The following C12orf50 variants were observed in gnomAD, a reference collection of about 807,000 sequenced individuals.
C12orf50 encodes the protein uncharacterized protein C12orf50.
A neutral mutation model predicts 61.6 loss-of-function variants in C12orf50; 35 were observed. That is an observed-to-expected ratio of 0.57 (90% confidence interval 0.43 to 0.75). The LOEUF (loss-of-function observed/expected upper bound fraction) is 0.75, where lower values mean the gene tolerates loss of function less well. C12orf50 is among the 30% of genes least tolerant of loss of function. C12orf50 has a pLI of 0.00. For missense variants in C12orf50, 475 were observed against 488.5 expected, an observed-to-expected ratio of 0.97 and a Z score of 0.26; for synonymous variants, 178 against 161.5, an observed-to-expected ratio of 1.10 and a Z score of -0.77.
At chr12:88,006,137 C>T (rs1006743788) in intron 3 of C12orf50, among the ~76,000 whole-genome samples, 2 of 151,946 alleles carry the variant, frequency 1.3e-5, no homozygotes, top group Non-Finnish European at 2.9e-5. Context: ...GGGATGGTCT[C>T]GATCTCCTGA....
Position 87,980,429 on chromosome 12 carries a change from T to C in C12orf50, c.1220-73A>G. ...CACTGATATTTTGTTCTTCTTTTGCTAATTACTTGCCGTAAATCTAAAGGC... is the reference window on the plus strand; with the variant it reads ...CACTGATATTTTGTTCTTCTTTTGCCAATTACTTGCCGTAAATCTAAAGGC... On this transcript the variant is annotated intron_variant, in intron 12 of 12. Coordinates refer to ENST00000298699, the MANE Select transcript of C12orf50 (RefSeq NM_152589.3). 11 of 1,291,202 alleles carry C rather than the reference T, an allele frequency of 8.5e-6. No individual in the cohort carries two copies. In the South Asian group the frequency reaches 1.4e-4, roughly 16 times the overall value. The allele number at this position is 1,291,202 out of a possible 1,614,324, so 80.0% of individuals were successfully genotyped here. A position where few individuals can be genotyped will look rare whatever the true frequency, so the allele number is the denominator to read the frequency against.
intron 3 of C12orf50, among the ~76,000 whole-genome samples, chr12:88,007,476 G>T (rs890734781): frequency 1.3e-5 from 2 of 152,176 alleles, no homozygotes; most frequent in African/African-American, 4.8e-5. Context: ...CTAAGGTCAA[G>T]GCACTGGCAG....
rs759437847 is a variant in C12orf50, at chr12:87,986,370, C to T, written c.864G>A (p.Lys288=). ...PVKKPHFKGV[K]KRKWIYDEPQ... Reference sequence around the variant, plus strand: ...GTTCATCATAAATCCATTTTCTTTTCTTCACACCTTTAAAATGAGGCTTCT... The same window carrying T: ...GTTCATCATAAATCCATTTTCTTTTTTTCACACCTTTAAAATGAGGCTTCT... The change falls in exon 10 of 13, where the codon AAG becomes AAA. Residue 288 remains lysine, a synonymous_variant. Coordinates refer to ENST00000298699, the MANE Select transcript of C12orf50 (RefSeq NM_152589.3). 6.2e-7 allele frequency: 1 copy of T among 1,611,588 alleles called. No individual in the cohort carries two copies. The highest frequency in any genetic ancestry group is 1.7e-5 in the Admixed American group (1 of 59,714).
chr12:88,011,829 C>T (rs1388604350), intron 3 of C12orf50, among the ~76,000 whole-genome samples: 1 of 152,134 alleles, frequency 6.6e-6, no homozygotes, highest in Non-Finnish European at 1.5e-5. Flanking sequence ...TCCCTAATCT[C>T]TTTAATTATA....
chr12:88,003,939 T>C (rs951388953), intron 3 of C12orf50, among the ~76,000 whole-genome samples: 1 of 152,144 alleles, frequency 6.6e-6, no homozygotes, highest in East Asian at 1.9e-4. Context: ...GTTCATCTTT[T>C]TTTTCATTTA....
Position 88,006,417 on chromosome 12 carries a change from G to C in C12orf50, c.134-8227C>G, listed in dbSNP as rs555710128. 5.3e-5 allele frequency among the ~76,000 whole-genome samples: 8 copies of C among 152,196 alleles called. No individual in the cohort carries two copies. In the South Asian group the frequency reaches 1.0e-3, roughly 20 times the overall value. On this transcript the variant is annotated intron_variant, in intron 3 of 12. Coordinates refer to ENST00000298699, the MANE Select transcript of C12orf50 (RefSeq NM_152589.3). ...TCCAAATAAATTCAGTTCTCTTTCC[G>C]AGAGCTTCAGAGTTTTCTACTCTCT...
At chr12:87,988,081 T>C (rs530886907) in intron 8 of C12orf50, 115 bp from the exon 9 acceptor site, 2 of 477,730 alleles carry the variant, frequency 4.2e-6, no homozygotes, top group South Asian at 5.1e-5. Flanking sequence ...TAAAATAATA[T>C]ATATATTTAT....
rs1353052614 is a variant in C12orf50, at chr12:88,025,360, T to C, written c.133+1128A>G. Among the ~76,000 whole-genome samples, 33 of 152,122 alleles carry C rather than the reference T, an allele frequency of 2.2e-4. 1 individual carries two copies. Among genetic ancestry groups the C allele is most frequent in the Admixed American group, 2.1e-3 (32 of 15,270 alleles). The stretch of plus-strand genomic sequence containing the variant: ...CAGAAATATGCAGAAGTTCTCTTCT[T>C]ATTAAAAGTTTCTCAGTTCGTAAGA... On this transcript the variant is annotated intron_variant, in intron 3 of 12. Coordinates refer to ENST00000298699, the MANE Select transcript of C12orf50 (RefSeq NM_152589.3).
intron 2 of C12orf50, 88 bp downstream of exon 2, chr12:88,026,863 T>A: frequency 6.6e-7 from 1 of 1,512,370 alleles, no homozygotes. Flanking sequence ...GAAGAATGAT[T>A]TCTTCCATAT....
chr12:88,015,177 T>A (rs1445116230), intron 3 of C12orf50, among the ~76,000 whole-genome samples: 1 of 152,196 alleles, frequency 6.6e-6, no homozygotes, highest in Non-Finnish European at 1.5e-5. Flanking sequence ...GAAGAACTTT[T>A]ATCCTTATAA....
chr12:87,985,923 G>A lies in C12orf50; in HGVS notation c.1053C>T (p.Ser351=), dbSNP rs751474143. 1 of 1,613,874 alleles carries A rather than the reference G, an allele frequency of 6.2e-7. No individual in the cohort carries two copies. Among genetic ancestry groups the A allele is most frequent in the South Asian group, 1.1e-5 (1 of 91,078 alleles). The part of the protein sequence containing the change: ...AVRTVALNAP[S]RSRPTHGSYN... Reference sequence around the variant, plus strand: ...AGGACCCATGCGTGGGCCTGCTGCGGGAAGGTGCATTCAACGCGACAGTCC... The same window carrying A: ...AGGACCCATGCGTGGGCCTGCTGCGAGAAGGTGCATTCAACGCGACAGTCC... The change falls in exon 11 of 13, where the codon TCC becomes TCT. Residue 351 remains serine (S), a synonymous_variant. Coordinates refer to ENST00000298699, the MANE Select transcript of C12orf50 (RefSeq NM_152589.3).
Position 87,987,933 on chromosome 12 carries a change from A to T in C12orf50, c.734T>A (p.Leu245Gln). Residue 245 changes from leucine to glutamine, a missense_variant, in exon 9 of 13, where the codon CTA (leucine) becomes CAA (glutamine). Coordinates refer to ENST00000298699, the MANE Select transcript of C12orf50 (RefSeq NM_152589.3). ...CGTTGTAGGTACTAGTCGGGTAGTT[A>T]GGGAATGCTTTGGATGAGGACTGTC... ...NKDSPHPKHS[L>Q]TTRLVPTTHV... The T allele has an allele frequency of 6.2e-7, 1 of 1,610,890 alleles. No homozygotes were observed. The highest frequency in any genetic ancestry group is 8.5e-7 in the Non-Finnish European group (1 of 1,177,682).
At chr12:87,988,610 A>G (rs2030962423) in intron 8 of C12orf50, among the ~76,000 whole-genome samples, 1 of 152,178 alleles carries the variant, frequency 6.6e-6, no homozygotes, top group Non-Finnish European at 1.5e-5. Flanking sequence ...AATGAGAGAA[A>G]GATTTACAAT....
At chr12:88,029,203 A>G (rs1386858279) in intron 1 of C12orf50, 137 bp downstream of exon 1, 15 of 856,008 alleles carry the variant, frequency 1.8e-5, no homozygotes, top group Non-Finnish European at 2.5e-5. Context: ...TACAAGAACT[A>G]TCAGTGTGTA....
intron 7 of C12orf50, 123 bp downstream of exon 7, chr12:87,994,510 C>A (rs1243117226): frequency 1.4e-6 from 1 of 715,572 alleles, no homozygotes; most frequent in East Asian, 2.7e-5. Context: ...TGTGATATAC[C>A]TCCAAACTCT....
At chr12:88,018,186 A>G (rs1275587454) in intron 3 of C12orf50, among the ~76,000 whole-genome samples, 1 of 152,236 alleles carries the variant, frequency 6.6e-6, no homozygotes, top group East Asian at 1.9e-4. Context: ...GGCTAGGCCC[A>G]GGGTCCCCAT....
chr12:88,023,592 C>T (rs2032598426), intron 3 of C12orf50, among the ~76,000 whole-genome samples: 1 of 149,702 alleles, frequency 6.7e-6, no homozygotes, highest in South Asian at 2.1e-4. Context: ...CACTTGAACC[C>T]AGGAGGCGGA....
chr12:87,983,464 C>A (rs2030629315), intron 11 of C12orf50: 1 of 193,758 alleles, frequency 5.2e-6, no homozygotes, highest in African/African-American at 2.4e-5. Flanking sequence ...CATATGTATA[C>A]ATGTGCCATG....
chr12:88,009,251 C>T (rs974672086), intron 3 of C12orf50, among the ~76,000 whole-genome samples: 8 of 151,920 alleles, frequency 5.3e-5, no homozygotes, highest in Non-Finnish European at 8.8e-5. Context: ...TACTCGTATC[C>T]GTTTATATAT....
Sources: allele counts gnomAD v4.1 joint callset (sites outside exome capture counted in the v4.1 genomes callset), GRCh38; gene constraint gnomAD v4.1.1; transcripts MANE v1.5; gene names NCBI Gene and HGNC (gene_info 2026-07-23, HGNC 2026-07-21).